The following SPATA13 variants were observed in gnomAD, a reference collection of about 807,000 sequenced individuals.
SPATA13 encodes spermatogenesis associated 13.
A neutral mutation model predicts 104.0 loss-of-function variants in SPATA13; 50 were observed. That is an observed-to-expected ratio of 0.48 (90% CI 0.38 to 0.61). SPATA13 has a LOEUF of 0.61. Ranked by LOEUF, SPATA13 falls within the 20% of genes least tolerant of loss-of-function variation. SPATA13 has a pLI of 0.00. For missense variants in SPATA13, 1,524 were observed against 1,690.6 expected, an observed-to-expected ratio of 0.90 and a Z score of 1.73; for synonymous variants, 606 against 667.5, an observed-to-expected ratio of 0.91 and a Z score of 1.42.
At chr13:24,026,807 G>A (rs1307692271) in intron 3 of SPATA13, among the ~76,000 whole-genome samples, 2 of 55,564 alleles carry the variant, frequency 3.6e-5, no homozygotes, top group Non-Finnish European at 1.0e-4. Flanking sequence ...TGGATCTCCT[G>A]ACCTCGTGAT....
intron 3 of SPATA13, among the ~76,000 whole-genome samples, chr13:24,074,525 C>T (rs1879263938): frequency 6.6e-6 from 1 of 152,048 alleles, no homozygotes; most frequent in African/African-American, 2.4e-5. Flanking sequence ...TTATGCAGCA[C>T]TTACTATGTA....
chr13:24,076,201 A>G (rs1484906033), intron 3 of SPATA13, among the ~76,000 whole-genome samples: 4 of 152,190 alleles, frequency 2.6e-5, no homozygotes, highest in African/African-American at 9.7e-5. Context: ...AGCAGTGTAC[A>G]TGCTTTTATC....
chr13:24,037,989 G>A (rs552599835), intron 3 of SPATA13, among the ~76,000 whole-genome samples: 2 of 151,872 alleles, frequency 1.3e-5, no homozygotes, highest in East Asian at 1.9e-4. Context: ...TTGGCTCACT[G>A]CAAGCTCTAC....
intron 1 of SPATA13, among the ~76,000 whole-genome samples, chr13:24,166,340 T>C (rs1487448848): frequency 6.6e-6 from 1 of 152,040 alleles, no homozygotes; most frequent in Non-Finnish European, 1.5e-5. Flanking sequence ...AGATGAGAGT[T>C]CAAAGATCCA....
intron 3 of SPATA13, among the ~76,000 whole-genome samples, chr13:24,075,539 C>T (rs777202143): frequency 3.3e-5 from 5 of 152,266 alleles, no homozygotes; most frequent in Middle Eastern, 3.4e-3. Flanking sequence ...GACCCCATGA[C>T]ATTTTGATAC....
chr13:24,174,628 G>GTCTA (rs1485467781), intron 1 of SPATA13, among the ~76,000 whole-genome samples: 2 of 152,066 alleles, frequency 1.3e-5, no homozygotes, highest in Admixed American at 6.5e-5. Flanking sequence ...CCAGACTGGA[G>GTCTA]TATAGTGGCG....
At chr13:24,085,934 G>T (rs1329555127) in intron 3 of SPATA13, among the ~76,000 whole-genome samples, 1 of 152,266 alleles carries the variant, frequency 6.6e-6, no homozygotes, top group Non-Finnish European at 1.5e-5. Context: ...AGGCAGAGAA[G>T]CCAGAGAGGG....
intron 3 of SPATA13, among the ~76,000 whole-genome samples, chr13:24,037,942 C>G (rs971869596): frequency 1.3e-4 from 20 of 151,706 alleles, no homozygotes; most frequent in African/African-American, 4.6e-4. Flanking sequence ...AATGGAGTCT[C>G]GCTCTGTCAC....
intron 3 of SPATA13, among the ~76,000 whole-genome samples, chr13:24,104,989 G>A (rs532222134): frequency 6.6e-6 from 1 of 152,200 alleles, no homozygotes; most frequent in East Asian, 1.9e-4. Context: ...ATCCTTTTAG[G>A]AGCTACTTGT....
chr13:23,986,403 G>A (rs1381789213), intron 2 of SPATA13, among the ~76,000 whole-genome samples: 1 of 152,194 alleles, frequency 6.6e-6, no homozygotes, highest in Non-Finnish European at 1.5e-5. Flanking sequence ...AATTCCCAGA[G>A]ATTTACATGT....
At chr13:24,066,029 C>G (rs180720358) in intron 3 of SPATA13, among the ~76,000 whole-genome samples, 43 of 152,264 alleles carry the variant, frequency 2.8e-4, no homozygotes, top group African/African-American at 9.9e-4. Context: ...AAGCATTTGC[C>G]TAATAATGCC....
At chr13:24,285,211 A>G (rs1875842093) in intron 5 of SPATA13, among the ~76,000 whole-genome samples, 1 of 152,108 alleles carries the variant, frequency 6.6e-6, no homozygotes, top group South Asian at 2.1e-4. Flanking sequence ...TGACTTTTTA[A>G]TTGTTAACGA....
intron 2 of SPATA13, among the ~76,000 whole-genome samples, chr13:24,242,223 G>A (rs1872878621): frequency 6.6e-6 from 1 of 152,160 alleles, no homozygotes. Flanking sequence ...AGAGAACATT[G>A]GAGAGAGGTG....
At chr13:24,123,410 G>A in intron 3 of SPATA13, 2 of 1,290,726 alleles carry the variant, frequency 1.5e-6, no homozygotes, top group Admixed American at 3.4e-5. Flanking sequence ...TGCTGAAGAG[G>A]GGGAGTACAT....
At chr13:24,292,452 G>T (rs953434984) in intron 9 of SPATA13, among the ~76,000 whole-genome samples, 3 of 152,198 alleles carry the variant, frequency 2.0e-5, no homozygotes, top group African/African-American at 7.2e-5. Context: ...GACTCTTTTA[G>T]ATGAGAATCG....
intron 3 of SPATA13, among the ~76,000 whole-genome samples, chr13:24,039,505 G>A (rs761563041): frequency 3.3e-5 from 5 of 152,182 alleles, no homozygotes; most frequent in African/African-American, 4.8e-5. Flanking sequence ...TTTAAAAGTT[G>A]GCAAGCGCTT....
chr13:24,090,657 A>C (rs1879881325), intron 3 of SPATA13, among the ~76,000 whole-genome samples: 1 of 152,134 alleles, frequency 6.6e-6, no homozygotes, highest in Admixed American at 6.5e-5. Flanking sequence ...GCCCCAACTT[A>C]CTGATGTTCC....
chr13:24,191,145 T>C lies in SPATA13; in HGVS notation c.-112+30213T>C, dbSNP rs139714798. On this transcript the variant is annotated intron_variant, in intron 1 of 12. Transcript: ENST00000382108. ...TTTATTAATTAAATTAATTAATTAT[T>C]ATTTTATGTTTGTAGAGACAGCATC... 2.6e-5 allele frequency among the ~76,000 whole-genome samples: 4 copies of C among 152,270 alleles called. No individual in the cohort carries two copies. The East Asian group carries it at 7.7e-4, about 29-fold the overall frequency.
At position 24,224,665 on chromosome 13, in the gene SPATA13, C is replaced by A. The variant is rs1225249084; in HGVS notation, c.1653+83C>A. Reference sequence around the variant, plus strand: ...CACAGGTGTTGCCCTTGGTCCCTAACCTGTCAAGGTCAGTGGCCCTCTGCT... The same window carrying A: ...CACAGGTGTTGCCCTTGGTCCCTAAACTGTCAAGGTCAGTGGCCCTCTGCT... On this transcript the variant is annotated intron_variant, in intron 2 of 12. Transcript: ENST00000382108. 8.4e-6 allele frequency: 12 copies of A among 1,430,254 alleles called. No homozygotes were observed. In the Admixed American group the frequency reaches 2.0e-4, roughly 23 times the overall value. 88.6% of individuals were successfully genotyped at this position (1,430,254 alleles called of 1,614,324 possible).
Sources: gnomAD v4.1 joint callset for allele counts (sites outside exome capture counted in the v4.1 genomes callset) on GRCh38, gnomAD v4.1.1 for gene constraint, MANE v1.5 for transcripts, NCBI Gene and HGNC (gene_info 2026-07-23, HGNC 2026-07-21) for gene names.